The following MYO1H variants were observed in gnomAD, a reference collection of about 807,000 sequenced individuals.
MYO1H encodes myosin IH.
In MYO1H, 118 loss-of-function variants were observed where a neutral mutation model predicts 149.3. That is an observed-to-expected ratio of 0.79 (90% confidence interval 0.68 to 0.92). The LOEUF is 0.92. Ranked by LOEUF, MYO1H falls within the 40% of genes least tolerant of loss-of-function variation. MYO1H has a pLI of 0.00. For missense variants in MYO1H, 1,212 were observed against 1,280.7 expected (o/e 0.95, Z 0.82); for synonymous variants, 447 against 465.2 (o/e 0.96, Z 0.50).
chr12:109,440,713 G>GC, intron 24 of MYO1H, 31 bp from the exon 25 acceptor site: 1 of 1,516,418 alleles, frequency 6.6e-7, no homozygotes, highest in Non-Finnish European at 9.0e-7. Flanking sequence ...AGTGAGTGAG[G>GC]CAAGTGGAAA....
intron 1 of MYO1H, among the ~76,000 whole-genome samples, chr12:109,363,206 T>G (rs1484110922): frequency 6.6e-6 from 1 of 152,242 alleles, no homozygotes; most frequent in African/African-American, 2.4e-5. Context: ...TTCTTTTTTC[T>G]TCATAATACA....
At chr12:109,442,221 A>C in exon 27 of MYO1H, 1 of 1,613,534 alleles carries the variant, frequency 6.2e-7, no homozygotes, top group South Asian at 1.1e-5. Flanking sequence ...CTCTAGATGA[A>C]GGAGACATTA....
At chr12:109,396,121 T>C (rs1484221869) in intron 3 of MYO1H, among the ~76,000 whole-genome samples, 1 of 151,904 alleles carries the variant, frequency 6.6e-6, no homozygotes, top group Non-Finnish European at 1.5e-5. Context: ...AGGGATTTCA[T>C]CATGTTGGCC....
At chr12:109,439,123 G>A (rs1871998983) in intron 23 of MYO1H, among the ~76,000 whole-genome samples, 1 of 152,190 alleles carries the variant, frequency 6.6e-6, no homozygotes, top group Non-Finnish European at 1.5e-5. Context: ...CGCCCAGGCT[G>A]GAGTACAATG....
chr12:109,316,085 A>G, the MYO1H span, among the ~76,000 whole-genome samples: 4 of 151,826 alleles, frequency 2.6e-5, no homozygotes, highest in Non-Finnish European at 5.9e-5. Context: ...ATAAACTAAG[A>G]CAAAAATAAG....
intron 27 of MYO1H, among the ~76,000 whole-genome samples, chr12:109,442,659 G>A (rs1872191030): frequency 6.6e-6 from 1 of 152,160 alleles, no homozygotes; most frequent in South Asian, 2.1e-4. Context: ...AGCTCTTGGT[G>A]CCTCTGATCT....
chr12:109,351,530 C>T (rs889977937), intron 1 of MYO1H, among the ~76,000 whole-genome samples: 3 of 152,174 alleles, frequency 2.0e-5, no homozygotes, highest in Admixed American at 6.5e-5. Context: ...AGAACTGGTG[C>T]CTTGTTCACT....
chr12:109,446,213 C>A (rs1328344501), intron 31 of MYO1H: 1 of 985,332 alleles, frequency 1.0e-6, no homozygotes, highest in African/African-American at 1.7e-5. Context: ...GAAGTCTAGC[C>A]TGAGCACACA....
the MYO1H span, among the ~76,000 whole-genome samples, chr12:109,337,525 G>A: frequency 0.026 from 3,965 of 152,230 alleles, 71 homozygotes; most frequent in Middle Eastern, 0.061. Flanking sequence ...AGCAAGACAC[G>A]TCATACATGG....
chr12:109,322,625 G>C, the MYO1H span, among the ~76,000 whole-genome samples: 1 of 151,890 alleles, frequency 6.6e-6, no homozygotes, highest in Non-Finnish European at 1.5e-5. Flanking sequence ...TTCAAGACCA[G>C]CCTGACCAAT....
intron 1 of MYO1H, among the ~76,000 whole-genome samples, chr12:109,378,990 C>A (rs544516538): frequency 6.6e-6 from 1 of 152,320 alleles, no homozygotes; most frequent in Non-Finnish European, 1.5e-5. Context: ...TGTTTAATGT[C>A]TTTTCCATTC....
intron 1 of MYO1H, among the ~76,000 whole-genome samples, chr12:109,374,322 A>G (rs1869048444): frequency 6.6e-6 from 1 of 152,186 alleles, no homozygotes; most frequent in Admixed American, 6.5e-5. Context: ...GTGGCAAGTT[A>G]TTTAACCCCT....
At position 109,349,658 on chromosome 12, in the gene MYO1H, C is replaced by CAA. The variant is rs398021025; in HGVS notation, c.12+1703_12+1704dup. Among the ~76,000 whole-genome samples, 119 of 120,404 alleles carry CAA rather than the reference C, an allele frequency of 9.9e-4. 1 individual carries two copies. The highest frequency in any genetic ancestry group is 2.8e-3 in the African/African-American group (91 of 32,630). The allele number at this position is 120,404 out of a possible 152,430, so 79.0% of individuals were successfully genotyped here. On this transcript the variant is annotated intron_variant, in intron 1 of 31. Coordinates refer to ENST00000310903, the Ensembl canonical transcript of MYO1H. ...TGGATGACAGTCTGAAACCCTGTCT[C>CAA]AAAAAAAAAAAAAAAAAAGAGGCCG... is the stretch of plus-strand genomic sequence containing the variant.
At chr12:109,387,936 C>T (rs1869430929) in intron 1 of MYO1H, among the ~76,000 whole-genome samples, 1 of 152,232 alleles carries the variant, frequency 6.6e-6, no homozygotes, top group Non-Finnish European at 1.5e-5. Context: ...CTGGTGCCTG[C>T]CCAGTGACCG....
chr12:109,425,881 G>A, intron 17 of MYO1H, 65 bp from the exon 18 acceptor site: 2 of 1,181,022 alleles, frequency 1.7e-6, no homozygotes, highest in Non-Finnish European at 2.5e-6. Flanking sequence ...CAGTCTTTTT[G>A]TATTCGTTGG....
chr12:109,333,373 C>G, the MYO1H span, among the ~76,000 whole-genome samples: 1 of 152,040 alleles, frequency 6.6e-6, no homozygotes, highest in Admixed American at 6.6e-5. Context: ...TATGTTGCAT[C>G]GTGTCCTCTC....
At chr12:109,352,259 T>A (rs1868476469) in intron 1 of MYO1H, among the ~76,000 whole-genome samples, 1 of 152,084 alleles carries the variant, frequency 6.6e-6, no homozygotes, top group African/African-American at 2.4e-5. Flanking sequence ...TGTAAGAAAA[T>A]GACAATGATT....
chr12:109,433,466 A>G (rs761107261), intron 20 of MYO1H, among the ~76,000 whole-genome samples: 2 of 152,210 alleles, frequency 1.3e-5, no homozygotes, highest in African/African-American at 2.4e-5. Flanking sequence ...TTTCGTACAC[A>G]TTGAAAGCTT....
chr12:109,371,306 C>T (rs760520495), intron 1 of MYO1H, among the ~76,000 whole-genome samples: 1 of 150,786 alleles, frequency 6.6e-6, no homozygotes, highest in Non-Finnish European at 1.5e-5. Flanking sequence ...GCCTCTACCT[C>T]CCCGGGCTCA....
Sources: allele counts gnomAD v4.1 joint callset (sites outside exome capture counted in the v4.1 genomes callset), GRCh38; gene constraint gnomAD v4.1.1; transcripts MANE v1.5; gene names NCBI Gene and HGNC (gene_info 2026-07-23, HGNC 2026-07-21).